Variants in SKOR2 observed in about 807,000 individuals in gnomAD.
SKOR2 encodes the protein SKI family transcriptional corepressor 2.
A neutral mutation model predicts 69.1 loss-of-function variants in SKOR2; 47 were observed. The observed-to-expected ratio is 0.68, with a 90% CI of 0.54 to 0.87. SKOR2 has a LOEUF of 0.87. Ranked by LOEUF, SKOR2 falls within the 40% of genes least tolerant of loss-of-function variation. The pLI is 0.00. For missense variants in SKOR2, 1,404 were observed against 1,472.2 expected, an observed-to-expected ratio of 0.95 and a Z score of 0.76; for synonymous variants, 717 against 672.6, an observed-to-expected ratio of 1.07 and a Z score of -1.02.
Position 47,212,145 on chromosome 18 carries a change from A to G in SKOR2, c.2992T>C (p.Tyr998His), listed in dbSNP as rs937035667. 25 of 1,231,980 alleles carry G rather than the reference A, an allele frequency of 2.0e-5. No individual in the cohort carries two copies. The highest frequency in any genetic ancestry group is 2.4e-5 in the Non-Finnish European group (24 of 987,866). The allele number at this position is 1,231,980 out of a possible 1,614,324, so 76.3% of individuals were successfully genotyped here. The stretch of plus-strand genomic sequence containing the variant: ...TCTTTCCTGATCAAACTTGCTGCAT[A>G]GGGGATCTGTAAGACAAAAACAAGC... Reference protein sequence around the residue: ...EMVQQLQIIPYAASLIRKEKL... With the variant: ...EMVQQLQIIPHAASLIRKEKL... Residue 998 changes from tyrosine (Y) to histidine (H), a missense_variant, in exon 8 of 9, where the codon TAT (tyrosine) becomes CAT (histidine). Tyr to His is a moderately conservative substitution (Grantham distance 83). Around this residue, in one of 3 missense-constraint regions of SKOR2, gnomAD observed 1,266 missense variants for 1,309.9 expected, o/e 0.97. Transcript: ENST00000425639.
intron 4 of SKOR2, chr18:47,234,408 T>C (rs942375502): frequency 2.0e-5 from 3 of 152,240 alleles, no homozygotes; most frequent in Non-Finnish European, 4.4e-5. Flanking sequence ...TGCTTACTTT[T>C]TTATCCCCTA....
chr18:47,235,186 CTCTG>C (rs919321786), intron 4 of SKOR2, among the ~76,000 whole-genome samples: 9 of 152,210 alleles, frequency 5.9e-5, no homozygotes, highest in Non-Finnish European at 1.0e-4. Context: ...CATGGCGAAA[CTCTG>C]TCTGTACAAA....
chr18:47,230,552 G>T lies in SKOR2; in HGVS notation c.2824C>A (p.Leu942Ile). Residue 942 changes from leucine to isoleucine, a missense_variant, in exon 6 of 9, where the codon CTT becomes ATT. Around this residue, in one of 3 missense-constraint regions of SKOR2, gnomAD observed 1,266 missense variants for 1,309.9 expected, o/e 0.97. Transcript: ENST00000425639. ...ATTTGTTCAAATAAAACCTTCTGAA[G>T]TTCTTCTAATAAAAAAAAGAAGAGT... Reference protein sequence around the residue: ...KDVENMGKEELQKVLFEQIDL... With the variant: ...KDVENMGKEEIQKVLFEQIDL... 7.1e-7 allele frequency: 1 copy of T among 1,414,828 alleles called. No individual in the cohort carries two copies. Among genetic ancestry groups the T allele is most frequent in the Non-Finnish European group, 9.2e-7 (1 of 1,091,186 alleles). The allele number at this position is 1,414,828 out of a possible 1,614,324, so 87.6% of individuals were successfully genotyped here.
At chr18:47,224,342 G>A (rs907268892) in intron 6 of SKOR2, among the ~76,000 whole-genome samples, 1 of 152,212 alleles carries the variant, frequency 6.6e-6, no homozygotes, top group Non-Finnish European at 1.5e-5. Flanking sequence ...AAAGGAAGTA[G>A]CAAAGAAGAG....
At chr18:47,245,629 A>T (rs2064269652) in intron 2 of SKOR2, 68 bp from the exon 3 acceptor site, 1 of 1,378,434 alleles carries the variant, frequency 7.3e-7, no homozygotes, top group Non-Finnish European at 9.6e-7. Flanking sequence ...GTCAACAGTC[A>T]GCAGGAAGAA....
intron 6 of SKOR2, among the ~76,000 whole-genome samples, chr18:47,229,697 C>G (rs2064190683): frequency 6.6e-6 from 1 of 152,156 alleles, no homozygotes; most frequent in Non-Finnish European, 1.5e-5. Context: ...TTCCCACTTT[C>G]CTTTCTCTGG....
chr18:47,234,722 A>G (rs933216214), intron 4 of SKOR2, among the ~76,000 whole-genome samples: 5 of 152,020 alleles, frequency 3.3e-5, no homozygotes, highest in Non-Finnish European at 4.4e-5. Context: ...CTAGCTGGGC[A>G]TGGTGGCAGG....
At chr18:47,211,120 G>A (rs1007888142) in intron 8 of SKOR2, among the ~76,000 whole-genome samples, 29 of 152,328 alleles carry the variant, frequency 1.9e-4, no homozygotes, top group Admixed American at 9.2e-4. Context: ...ATAGGCAGAA[G>A]AGAGGTGAAG....
chr18:47,226,416 C>T (rs2064178834), intron 6 of SKOR2, among the ~76,000 whole-genome samples: 1 of 152,108 alleles, frequency 6.6e-6, no homozygotes, highest in Non-Finnish European at 1.5e-5. Context: ...ACATGTTTGA[C>T]CAGCCATCCT....
Position 47,247,623 on chromosome 18 carries a change from CA to C in SKOR2, c.1560del (p.Ser522AlafsTer14). Reference protein sequence around the residue: ...FLDLAEPGGAAGSAEAAPPPG... With the variant: ...FLDLAEPGGAXGSAEAAPPPG... ...GGCGGGGGCGCGGCCTCGGCGCTCC[CA>C]GCAGCACCGCCTGGCTCAGCCAGGT... On this transcript the variant is annotated frameshift_variant, in exon 2 of 9. Transcript: ENST00000425639. LOFTEE classifies it high-confidence loss of function. The surrounding 1 kb of genome is among the most constrained non-coding windows in gnomAD (Gnocchi z 6.6). 1 of 1,327,464 alleles carries C rather than the reference CA, an allele frequency of 7.5e-7. No individual in the cohort carries two copies. 82.2% of individuals were successfully genotyped at this position (1,327,464 alleles called of 1,614,324 possible).
In SKOR2 at chr18:47,247,708, G is replaced by A. The variant is rs1600051048; in HGVS notation, c.1476C>T (p.Pro492=). 1 of 1,361,884 alleles carries A rather than the reference G, an allele frequency of 7.3e-7. No homozygotes were observed. The highest frequency in any genetic ancestry group is 9.4e-7 in the Non-Finnish European group (1 of 1,066,834). The allele number at this position is 1,361,884 out of a possible 1,614,324, so 84.4% of individuals were successfully genotyped here. A position where few individuals can be genotyped will look rare whatever the true frequency, so the allele number is the denominator to read the frequency against. ...PTYLQPPPQP[P]SALGCALGES... ...CGCCTAGCGCGCAGCCTAGCGCCGA[G>A]GGCGGCTGAGGCGGGGGCTGCAGGT... is the stretch of plus-strand genomic sequence containing the variant. Residue 492 remains proline (P), a synonymous_variant, in exon 2 of 9, where the codon CCC becomes CCT. Transcript: ENST00000425639. The surrounding 1 kb of genome is among the most constrained non-coding windows in gnomAD (Gnocchi z 6.6).
intron 7 of SKOR2, among the ~76,000 whole-genome samples, chr18:47,213,644 T>C (rs976280512): frequency 6.6e-6 from 1 of 152,110 alleles, no homozygotes; most frequent in Non-Finnish European, 1.5e-5. Context: ...TATTTTGATA[T>C]ATAACCACAA....
chr18:47,244,425 C>G (rs1425835076), intron 4 of SKOR2, among the ~76,000 whole-genome samples: 1 of 152,162 alleles, frequency 6.6e-6, no homozygotes. Flanking sequence ...TTCCCAAACC[C>G]CTTGGAGACA....
chr18:47,240,316 CAA>C (rs1238797603), intron 4 of SKOR2, among the ~76,000 whole-genome samples: 1 of 152,146 alleles, frequency 6.6e-6, no homozygotes, highest in African/African-American at 2.4e-5. Context: ...CATTCAATTT[CAA>C]ATCACTTAAC....
rs1371078859 is a variant in SKOR2, at chr18:47,248,318, G to A, written c.866C>T (p.Pro289Leu). ...CTCTGCCAAGGGCGGCGGTGGCGGC[G>A]GCGGCGGCGGGGGCGCACCCAGCAG... ...PHLLGAPPPP[P>L]PPPPPLAELA... Residue 289 changes from proline to leucine, a missense_variant, in exon 2 of 9, where the codon CCG (proline) becomes CTG (leucine). By Grantham distance (98) the Pro-to-Leu change is moderately conservative. Around this residue, in one of 3 missense-constraint regions of SKOR2, gnomAD observed 1,266 missense variants for 1,309.9 expected, o/e 0.97. Coordinates refer to ENST00000425639, the MANE Select transcript of SKOR2 (RefSeq NM_001278063.4). The surrounding 1 kb of genome is among the most constrained non-coding windows in gnomAD (Gnocchi z 6.4). The A allele has an allele frequency of 4.2e-6, 5 of 1,201,288 alleles. No homozygotes were observed. The East Asian group carries it at 1.8e-4, about 42-fold the overall frequency. 74.4% of individuals were successfully genotyped at this position (1,201,288 alleles called of 1,614,324 possible). A position where few individuals can be genotyped will look rare whatever the true frequency, so the allele number is the denominator to read the frequency against.
rs1256194326 is a variant in SKOR2 at position 47,246,748 on chromosome 18, G to A, written c.2436C>T (p.Leu812=). The change falls in exon 2 of 9, where the codon CTC becomes CTT. Residue 812 remains leucine, a synonymous_variant. Coordinates refer to ENST00000425639, the MANE Select transcript of SKOR2 (RefSeq NM_001278063.4). ...RAPAVAGAFP[L]GLNSSRLLQE... ...GCAGCAGCCTGGAGGAGTTCAGGCC[G>A]AGCGGGAACGCGCCCGCGACGGCCG... 1.4e-6 allele frequency: 2 copies of A among 1,408,042 alleles called. No individual in the cohort carries two copies. Among genetic ancestry groups the A allele is most frequent in the East Asian group, 2.9e-5 (1 of 33,966 alleles). 87.2% of individuals were successfully genotyped at this position (1,408,042 alleles called of 1,614,324 possible).
At chr18:47,223,873 C>T (rs1206029752) in intron 6 of SKOR2, among the ~76,000 whole-genome samples, 1 of 150,126 alleles carries the variant, frequency 6.7e-6, no homozygotes, top group African/African-American at 2.5e-5. Context: ...AATTGGCAAA[C>T]ATACAAAAAT....
chr18:47,247,226 T>C lies in SKOR2; in HGVS notation c.1958A>G (p.His653Arg). The C allele has an allele frequency of 6.9e-7, 1 of 1,446,522 alleles. No homozygotes were observed. Among genetic ancestry groups the C allele is most frequent in the Non-Finnish European group, 9.1e-7 (1 of 1,102,650 alleles). The allele number at this position is 1,446,522 out of a possible 1,614,324, so 89.6% of individuals were successfully genotyped here. Residue 653 changes from histidine to arginine, a missense_variant, in exon 2 of 9, where the codon CAT becomes CGT. His to Arg is a conservative substitution (Grantham distance 29). Transcript: ENST00000425639. The surrounding 1 kb of genome is among the most constrained non-coding windows in gnomAD (Gnocchi z 6.6). ...GTGAGGGTGGTGATGGTGGTGGGGA[T>C]GCGTCTGGGCCGAGTGGGGCGCGCC... is the stretch of plus-strand genomic sequence containing the variant. The part of the protein sequence containing the change: ...SAGAPHSAQT[H>R]PHHHHHPHHH...
chr18:47,248,665 T>C lies in SKOR2; in HGVS notation c.519A>G (p.Lys173=). ...RYNSSRAKCI[K]CSYCNMYFSP... is the part of the protein sequence containing the mutation. The stretch of plus-strand genomic sequence containing the variant: ...AGAAGTACATGTTGCAGTAGCTGCA[T>C]TTGATGCACTTGGCGCGCGAGCTGT... Residue 173 remains lysine, a synonymous_variant, in exon 2 of 9, where the codon AAA becomes AAG. Coordinates refer to ENST00000425639, the MANE Select transcript of SKOR2 (RefSeq NM_001278063.4). The surrounding 1 kb of genome is among the most constrained non-coding windows in gnomAD (Gnocchi z 6.4). 1 of 1,567,024 alleles carries C rather than the reference T, an allele frequency of 6.4e-7. No homozygotes were observed. Among genetic ancestry groups the C allele is most frequent in the Non-Finnish European group, 8.6e-7 (1 of 1,162,134 alleles).
Sources: gnomAD v4.1 joint callset for allele counts (sites outside exome capture counted in the v4.1 genomes callset) on GRCh38, gnomAD v4.1.1 for gene constraint, gnomAD v4.1.1 regional missense constraint, Gnocchi (gnomAD v3.1) non-coding constraint, MANE v1.5 for transcripts, NCBI Gene and HGNC (gene_info 2026-07-23, HGNC 2026-07-21) for gene names.